TTC7B: variants seen among roughly 807,000 people sequenced by gnomAD.
TTC7B encodes tetratricopeptide repeat domain 7B.
Under a neutral mutation model 106.8 loss-of-function variants are expected in TTC7B, and 28 were observed. The ratio of observed to expected loss-of-function variants is 0.26; its 90% confidence interval spans 0.19 to 0.36. The LOEUF is 0.36. Among genes scored for constraint, TTC7B ranks in the 10% least tolerant of loss-of-function variants. TTC7B has a pLI of 1.00. For missense variants in TTC7B, 862 were observed against 1,076.4 expected, an observed-to-expected ratio of 0.80 and a Z score of 2.79; for synonymous variants, 405 against 430.6, an observed-to-expected ratio of 0.94 and a Z score of 0.74.
In TTC7B at chr14:90,657,242, G is replaced by A. The variant is rs774202363; in HGVS notation, c.1273C>T (p.Arg425Cys). 22 of 1,613,920 alleles carry A rather than the reference G, an allele frequency of 1.4e-5. No individual in the cohort carries two copies. Among genetic ancestry groups the A allele is most frequent in the East Asian group, 2.2e-5 (1 of 44,882 alleles). ...RAVKVLKECI[R>C]LKPDDATIPL... ...ATGGTGGCATCGTCTGGCTTCAGGC[G>A]GATACACTCTTTCAGCACCTTCACG... Residue 425 changes from arginine (R) to cysteine (C), a missense_variant, in exon 11 of 20, where the codon CGC (arginine) becomes TGC (cysteine). Transcript: ENST00000328459. The surrounding 1 kb of genome is among the most constrained non-coding windows in gnomAD (Gnocchi z 4.2).
chr14:90,614,613 G>A (rs1410582929), intron 16 of TTC7B, among the ~76,000 whole-genome samples: 1 of 152,242 alleles, frequency 6.6e-6, no homozygotes, highest in Non-Finnish European at 1.5e-5. Flanking sequence ...ATTGATGTTA[G>A]GCCTGGGGCT....
chr14:90,558,798 G>A (rs1229751690), intron 19 of TTC7B, among the ~76,000 whole-genome samples: 1 of 152,192 alleles, frequency 6.6e-6, no homozygotes, highest in Non-Finnish European at 1.5e-5. Context: ...CGGGCGGCTT[G>A]CCAGAAATGG....
intron 4 of TTC7B, among the ~76,000 whole-genome samples, chr14:90,737,557 T>G (rs1174955409): frequency 2.1e-5 from 3 of 141,342 alleles, no homozygotes; most frequent in Non-Finnish European, 3.1e-5. Flanking sequence ...TTTTTTTTTT[T>G]TTTTTTTTTT....
At position 90,529,663 on chromosome 14, in the gene TTC7B, C is replaced by T. The variant is rs75121095; in HGVS notation, c.*11705G>A. 1.3e-5 allele frequency: 2 copies of T among 152,194 alleles called. No homozygotes were observed. The highest frequency in any genetic ancestry group is 6.5e-5 in the Admixed American group (1 of 15,288). 9.4% of individuals were successfully genotyped at this position (152,194 alleles called of 1,614,324 possible). Reference sequence around the variant, plus strand: ...TTCATTTCTCACCTGGACCTGTATCCGTAATAACTGTATGCATATCATAGC... The same window carrying T: ...TTCATTTCTCACCTGGACCTGTATCTGTAATAACTGTATGCATATCATAGC... On this transcript the variant is annotated 3_prime_UTR_variant, in exon 20 of 20. Coordinates refer to ENST00000328459, the MANE Select transcript of TTC7B (RefSeq NM_001010854.2).
At chr14:90,728,687 C>T (rs1889208402) in intron 5 of TTC7B, among the ~76,000 whole-genome samples, 1 of 152,150 alleles carries the variant, frequency 6.6e-6, no homozygotes, top group African/African-American at 2.4e-5. Flanking sequence ...TTACCCAACC[C>T]ACTCTTATTA....
At chr14:90,729,516 A>G (rs1402043512) in intron 5 of TTC7B, among the ~76,000 whole-genome samples, 1 of 152,214 alleles carries the variant, frequency 6.6e-6, no homozygotes, top group Non-Finnish European at 1.5e-5. Flanking sequence ...GAATCAGCAC[A>G]TTTCTCACAA....
intron 1 of TTC7B, among the ~76,000 whole-genome samples, chr14:90,787,062 G>A (rs1473540493): frequency 5.3e-5 from 8 of 152,188 alleles, no homozygotes; most frequent in African/African-American, 1.9e-4. Flanking sequence ...CTGGTGGAAT[G>A]TCTGTACAGC....
In TTC7B at chr14:90,736,071, T is replaced by C. The variant is rs555878339; in HGVS notation, c.577-5875A>G. ...GACTAAAAATATATGACAGAAAATA[T>C]GAAAAGGAAAGATCATCTTAAAGTA... On this transcript the variant is annotated intron_variant, in intron 4 of 19. Coordinates refer to ENST00000328459, the MANE Select transcript of TTC7B (RefSeq NM_001010854.2). 8.6e-5 allele frequency among the ~76,000 whole-genome samples: 13 copies of C among 151,942 alleles called. No individual in the cohort carries two copies. The South Asian group carries it at 2.5e-3, about 29-fold the overall frequency.
At chr14:90,607,694 C>T (rs1892703388) in intron 17 of TTC7B, among the ~76,000 whole-genome samples, 1 of 152,128 alleles carries the variant, frequency 6.6e-6, no homozygotes, top group Admixed American at 6.6e-5. Flanking sequence ...GATAAGAATC[C>T]AGAATGTAAA....
At chr14:90,719,890 G>GC (rs1888821854) in intron 5 of TTC7B, among the ~76,000 whole-genome samples, 1 of 152,202 alleles carries the variant, frequency 6.6e-6, no homozygotes, top group Admixed American at 6.5e-5. Context: ...TGGACAAGAT[G>GC]CCTTTGAGGA....
At chr14:90,645,109 C>T (rs1885378417) in intron 14 of TTC7B, 1 of 152,228 alleles carries the variant, frequency 6.6e-6, no homozygotes, top group African/African-American at 2.4e-5. Context: ...GCACAACCAT[C>T]CCACAGATGG....
chr14:90,711,278 T>C (rs1287733875), intron 5 of TTC7B, among the ~76,000 whole-genome samples: 1 of 152,218 alleles, frequency 6.6e-6, no homozygotes, highest in East Asian at 1.9e-4. Context: ...GGAAAATTAA[T>C]ATATTACATT....
At chr14:90,706,710 C>T (rs567770602) in intron 5 of TTC7B, among the ~76,000 whole-genome samples, 2 of 152,278 alleles carry the variant, frequency 1.3e-5, no homozygotes, top group Admixed American at 6.5e-5. Flanking sequence ...CTTCGCTATA[C>T]GGATGTAGGT....
intron 17 of TTC7B, among the ~76,000 whole-genome samples, chr14:90,597,421 G>C (rs1291008456): frequency 6.6e-6 from 1 of 152,220 alleles, no homozygotes; most frequent in Non-Finnish European, 1.5e-5. Flanking sequence ...ACCGTGGGAG[G>C]CTGAGGCAGG....
chr14:90,693,489 T>C (rs1233761191), intron 6 of TTC7B, among the ~76,000 whole-genome samples: 2 of 152,150 alleles, frequency 1.3e-5, no homozygotes, highest in African/African-American at 2.4e-5. Context: ...GGGTTTGGTA[T>C]GAATCATAAG....
At chr14:90,629,314 T>C (rs944642002) in intron 15 of TTC7B, among the ~76,000 whole-genome samples, 4 of 152,158 alleles carry the variant, frequency 2.6e-5, no homozygotes, top group Admixed American at 1.3e-4. Context: ...TGAACTAGAA[T>C]TCAATTGTGT....
At chr14:90,562,246 G>A (rs368800686) in intron 19 of TTC7B, among the ~76,000 whole-genome samples, 9 of 152,202 alleles carry the variant, frequency 5.9e-5, no homozygotes, top group East Asian at 5.8e-4. Flanking sequence ...CTCCCTCTGT[G>A]TCCCCTCATG....
At chr14:90,548,636 G>A (rs937810747) in intron 19 of TTC7B, among the ~76,000 whole-genome samples, 4 of 152,232 alleles carry the variant, frequency 2.6e-5, no homozygotes, top group Admixed American at 6.5e-5. Context: ...GGTGAACCCC[G>A]GTCATCTCTG....
At chr14:90,723,253 C>T (rs145212844) in intron 5 of TTC7B, among the ~76,000 whole-genome samples, 2 of 152,352 alleles carry the variant, frequency 1.3e-5, no homozygotes, top group African/African-American at 2.4e-5. Context: ...ACCAGCAGTC[C>T]TAACTCTAGT....
Sources: allele counts gnomAD v4.1 joint callset (sites outside exome capture counted in the v4.1 genomes callset), GRCh38; gene constraint gnomAD v4.1.1; non-coding constraint Gnocchi (gnomAD v3.1); transcripts MANE v1.5; gene names NCBI Gene and HGNC (gene_info 2026-07-23, HGNC 2026-07-21).